USP3: variants seen among roughly 807,000 people sequenced by gnomAD.
USP3 encodes the protein ubiquitin carboxyl-terminal hydrolase 3.
In USP3, 20 loss-of-function variants were observed where a neutral mutation model predicts 72.3. The ratio of observed to expected loss-of-function variants is 0.28; its 90% CI spans 0.19 to 0.40. The LOEUF (loss-of-function observed/expected upper bound fraction) is 0.40. Among genes scored for constraint, USP3 ranks in the 10% least tolerant of loss-of-function variants. The pLI is 1.00. For synonymous variants in USP3, 222 were observed against 225.3 expected (o/e 0.99, Z 0.13); for missense variants, 479 against 633.9 (o/e 0.76, Z 2.62).
chr15:63,590,392 T>G (rs2067172267), intron 14 of USP3, among the ~76,000 whole-genome samples: 1 of 152,312 alleles, frequency 6.6e-6, no homozygotes, highest in Middle Eastern at 3.4e-3. Context: ...TAGTTTTCCA[T>G]GTTTCCGTAG....
At chr15:63,518,776 T>C (rs1343566551) in intron 1 of USP3, among the ~76,000 whole-genome samples, 1 of 152,132 alleles carries the variant, frequency 6.6e-6, no homozygotes, top group Non-Finnish European at 1.5e-5. Flanking sequence ...CAGGTCTCTT[T>C]TTTTTTTGGG....
chr15:63,521,739 A>G lies in USP3; in HGVS notation c.92-10908A>G, dbSNP rs1304642162. ...CTCTCTTCCATTTAATTTAATTCAC[A>G]AGAGGTTCCTTCATGTTGAACTGTT... is the stretch of plus-strand genomic sequence containing the variant. On this transcript the variant is annotated intron_variant, in intron 1 of 14. Coordinates refer to ENST00000380324, the MANE Select transcript of USP3 (RefSeq NM_006537.4). 3.3e-5 allele frequency among the ~76,000 whole-genome samples: 5 copies of G among 152,296 alleles called. No individual in the cohort carries two copies. In the South Asian group the frequency reaches 6.2e-4, roughly 19 times the overall value.
intron 2 of USP3, among the ~76,000 whole-genome samples, chr15:63,536,764 G>A (rs542176147): frequency 1.3e-5 from 2 of 151,998 alleles, no homozygotes; most frequent in South Asian, 4.2e-4. Context: ...TGAGGCAGGA[G>A]AATGGTGTGA....
At chr15:63,589,161 C>A in intron 14 of USP3, 150 bp downstream of exon 14, 1 of 801,048 alleles carries the variant, frequency 1.2e-6, no homozygotes, top group Non-Finnish European at 2.0e-6. Context: ...CGGAAGAGTA[C>A]TCCTCAGATG....
chr15:63,522,604 A>G (rs1472596912), intron 1 of USP3, among the ~76,000 whole-genome samples: 2 of 152,258 alleles, frequency 1.3e-5, no homozygotes, highest in East Asian at 1.9e-4. Flanking sequence ...CTACTTGTCC[A>G]TAAAGATAAG....
chr15:63,512,399 CTTCTTCTTCTTTCTTCT>C lies in USP3; in HGVS notation c.91+7575_91+7591del, dbSNP rs574146784. ...TCTTCTTTCTTTTTCTTCTTTCTTC[CTTCTTCTTCTTTCTTCT>C]TTCTTTTTCTTTCTTCTTTCTTCCT... is the stretch of plus-strand genomic sequence containing the variant. On this transcript the variant is annotated intron_variant, in intron 1 of 14. Transcript: ENST00000380324. 3.1e-3 allele frequency among the ~76,000 whole-genome samples: 451 copies of C among 145,158 alleles called. 1 individual carries two copies. Among genetic ancestry groups the C allele is most frequent in the Middle Eastern group, 7.0e-3 (2 of 286 alleles).
intron 2 of USP3, 73 bp downstream of exon 2, chr15:63,532,780 T>G: frequency 4.6e-6 from 7 of 1,507,386 alleles, no homozygotes; most frequent in Admixed American, 1.7e-5. Flanking sequence ...ATGTCAGAGT[T>G]TTATTGATTT....
chr15:63,563,179 CAT>C (rs907995077), intron 8 of USP3, among the ~76,000 whole-genome samples, 171 bp downstream of exon 8: 26 of 152,200 alleles, frequency 1.7e-4, no homozygotes, highest in South Asian at 1.5e-3. Flanking sequence ...TGACTAAACA[CAT>C]GTGTTTATTT....
chr15:63,553,261 A>G lies in USP3; in HGVS notation c.285-454A>G, dbSNP rs2066461183. On this transcript the variant is annotated intron_variant, in intron 3 of 14. Coordinates refer to ENST00000380324, the MANE Select transcript of USP3 (RefSeq NM_006537.4). The surrounding 1 kb of genome is among the most constrained non-coding windows in gnomAD (Gnocchi z 4.2). ...TTAACTTTAGTTTTTCTATTCAGATATCCCTACAGGTTAATTACCTCTTCC... is the reference window on the plus strand; with the variant it reads ...TTAACTTTAGTTTTTCTATTCAGATGTCCCTACAGGTTAATTACCTCTTCC... 6.6e-6 allele frequency: 1 copy of G among 152,446 alleles called. No homozygotes were observed. Among genetic ancestry groups the G allele is most frequent in the Admixed American group, 6.5e-5 (1 of 15,282 alleles). The allele number at this position is 152,446 out of a possible 1,614,324, so 9.4% of individuals were successfully genotyped here.
At chr15:63,550,095 C>G (rs886562585) in intron 3 of USP3, among the ~76,000 whole-genome samples, 1 of 152,252 alleles carries the variant, frequency 6.6e-6, no homozygotes, top group Non-Finnish European at 1.5e-5. Flanking sequence ...TCTCAGCTCA[C>G]TGCAACCTCC....
At chr15:63,587,979 AACT>A (rs1317123718) in intron 11 of USP3, 1 of 190,532 alleles carries the variant, frequency 5.2e-6, no homozygotes, top group African/African-American at 2.3e-5. Flanking sequence ...ATTGACAGAA[AACT>A]ACAATTGAAA....
At chr15:63,539,846 A>G (rs1477836108) in intron 3 of USP3, among the ~76,000 whole-genome samples, 1 of 152,212 alleles carries the variant, frequency 6.6e-6, no homozygotes, top group Non-Finnish European at 1.5e-5. Flanking sequence ...CATTACACTG[A>G]TGGCCTAAAA....
intron 2 of USP3, among the ~76,000 whole-genome samples, chr15:63,535,778 A>G (rs1263527128): frequency 6.6e-6 from 1 of 152,198 alleles, no homozygotes; most frequent in African/African-American, 2.4e-5. Context: ...CAGTTACGGT[A>G]ACTCTCCTAC....
At chr15:63,583,141 G>A (rs1399950484) in intron 11 of USP3, among the ~76,000 whole-genome samples, 1 of 152,156 alleles carries the variant, frequency 6.6e-6, no homozygotes, top group Admixed American at 6.5e-5. Flanking sequence ...CTCTGCTGTT[G>A]AGGCATTTCT....
At chr15:63,505,033 C>G in intron 1 of USP3, among the ~76,000 whole-genome samples, 1 of 150,654 alleles carries the variant, frequency 6.6e-6, no homozygotes, top group African/African-American at 2.4e-5. Context: ...GGCCCGACGG[C>G]CGGGCCAGCG....
chr15:63,575,504 G>T (rs1364399157), intron 11 of USP3, among the ~76,000 whole-genome samples: 1 of 152,144 alleles, frequency 6.6e-6, no homozygotes, highest in Admixed American at 6.5e-5. Flanking sequence ...CTAGAAATCT[G>T]TCAGATGATA....
chr15:63,555,387 C>T (rs2066493200), intron 4 of USP3, among the ~76,000 whole-genome samples: 1 of 152,190 alleles, frequency 6.6e-6, no homozygotes, highest in Admixed American at 6.5e-5. Flanking sequence ...CAGAAATGTT[C>T]TCCATCCACT....
chr15:63,552,929 A>G (rs2066456906), intron 3 of USP3, among the ~76,000 whole-genome samples: 1 of 152,226 alleles, frequency 6.6e-6, no homozygotes, highest in Non-Finnish European at 1.5e-5. Flanking sequence ...TCTTAGTGCC[A>G]GCTTGTAAAT....
rs950678092 is a variant in USP3 at position 63,592,193 on chromosome 15, T to C, written c.*1367T>C. 3.3e-5 allele frequency: 5 copies of C among 152,094 alleles called. No individual in the cohort carries two copies. Among genetic ancestry groups the C allele is most frequent in the Non-Finnish European group, 7.3e-5 (5 of 68,034 alleles). The allele number at this position is 152,094 out of a possible 1,614,324, so 9.4% of individuals were successfully genotyped here. On this transcript the variant is annotated 3_prime_UTR_variant, in exon 15 of 15. Transcript: ENST00000380324. ...GCCTCAGCCTCCCAAAGTGCTGAGA[T>C]TACAGGCGTGAGCCATCACGCCCAG...
Sources: gnomAD v4.1 joint callset for allele counts (sites outside exome capture counted in the v4.1 genomes callset) on GRCh38, gnomAD v4.1.1 for gene constraint, Gnocchi (gnomAD v3.1) non-coding constraint, MANE v1.5 for transcripts, NCBI Gene and HGNC (gene_info 2026-07-23, HGNC 2026-07-21) for gene names.